DLG2: variants seen among roughly 807,000 people sequenced by gnomAD.
DLG2 encodes the protein discs large MAGUK scaffold protein 2, also known as disks large homolog 2.
A neutral mutation model predicts 132.5 loss-of-function variants in DLG2; 45 were observed. The ratio of observed to expected loss-of-function variants is 0.34; its 90% confidence interval spans 0.27 to 0.44. The LOEUF is 0.44. Among genes scored for constraint, DLG2 ranks in the 20% least tolerant of loss-of-function variants. The pLI is 1.00. For missense variants in DLG2, 1,045 were observed against 1,196.9 expected (o/e 0.87, Z 1.87); for synonymous variants, 424 against 419.6 (o/e 1.01, Z -0.13).
chr11:83,921,606 A>G (rs764004200), intron 15 of DLG2, among the ~76,000 whole-genome samples: 19 of 152,160 alleles, frequency 1.2e-4, no homozygotes, highest in African/African-American at 4.3e-4. Flanking sequence ...TAACGTTACT[A>G]TCTTGATTCT....
At chr11:84,670,555 A>G (rs906818152) in intron 6 of DLG2, among the ~76,000 whole-genome samples, 13 of 152,178 alleles carry the variant, frequency 8.5e-5, no homozygotes, top group African/African-American at 3.1e-4. Context: ...ACAATGTTCA[A>G]TTCTGTGTCT....
intron 25 of DLG2, among the ~76,000 whole-genome samples, chr11:83,467,417 T>C (rs193144456): frequency 6.6e-6 from 1 of 152,238 alleles, no homozygotes; most frequent in East Asian, 1.9e-4. Flanking sequence ...TGCAAGGTAC[T>C]CAGTCTAGTG....
At chr11:85,598,845 C>CA in intron 2 of DLG2, 57 bp from the exon 3 acceptor site, 2 of 456,126 alleles carry the variant, frequency 4.4e-6, no homozygotes, top group Non-Finnish European at 7.6e-6. Context: ...AGAAAACTAA[C>CA]ATTAAACTAT....
intron 3 of DLG2, among the ~76,000 whole-genome samples, chr11:85,439,637 G>T (rs1281466581): frequency 6.6e-6 from 1 of 152,110 alleles, no homozygotes; most frequent in Non-Finnish European, 1.5e-5. Flanking sequence ...GGAATTACAG[G>T]TGTGAGCCAC....
chr11:85,103,194 T>C (rs771323311), intron 6 of DLG2, among the ~76,000 whole-genome samples: 1 of 152,006 alleles, frequency 6.6e-6, no homozygotes, highest in Admixed American at 6.6e-5. Context: ...CTCAAATTGA[T>C]GTACAGAGTC....
intron 3 of DLG2, among the ~76,000 whole-genome samples, chr11:85,517,941 G>C (rs1175018669): frequency 6.6e-6 from 1 of 152,138 alleles, no homozygotes; most frequent in East Asian, 1.9e-4. Flanking sequence ...CCCTGCACAA[G>C]TTCTTTTCCC....
chr11:83,797,777 C>T (rs1409046812), intron 17 of DLG2, among the ~76,000 whole-genome samples: 4 of 152,152 alleles, frequency 2.6e-5, no homozygotes, highest in African/African-American at 9.7e-5. Flanking sequence ...CTCGGCCTCC[C>T]AAAGTGCTGG....
chr11:84,480,919 A>G (rs2154493334), intron 7 of DLG2, among the ~76,000 whole-genome samples: 1 of 151,646 alleles, frequency 6.6e-6, no homozygotes, highest in South Asian at 2.1e-4. Flanking sequence ...TTGTATTTTT[A>G]GTAGAGACGG....
intron 9 of DLG2, among the ~76,000 whole-genome samples, chr11:84,150,739 C>T (rs565496381): frequency 5.3e-5 from 8 of 152,146 alleles, no homozygotes; most frequent in African/African-American, 1.4e-4. Flanking sequence ...ATGTTGACTA[C>T]AGGAATTTCA....
At chr11:84,338,332 C>G (rs547875247) in intron 7 of DLG2, among the ~76,000 whole-genome samples, 4 of 152,264 alleles carry the variant, frequency 2.6e-5, no homozygotes, top group African/African-American at 9.6e-5. Flanking sequence ...TGTTCACTCT[C>G]TTCTCTGAAA....
intron 6 of DLG2, among the ~76,000 whole-genome samples, chr11:84,848,705 T>C (rs1404703252): frequency 2.0e-5 from 3 of 152,160 alleles, no homozygotes; most frequent in Non-Finnish European, 4.4e-5. Context: ...TCTTGGACTT[T>C]AAATCTATGC....
chr11:85,621,211 T>C (rs2153276558), intron 2 of DLG2, among the ~76,000 whole-genome samples: 1 of 135,082 alleles, frequency 7.4e-6, no homozygotes, highest in African/African-American at 2.9e-5. Flanking sequence ...TGAGAACTAC[T>C]ACTCAGAAAA....
intron 7 of DLG2, among the ~76,000 whole-genome samples, chr11:84,439,414 C>G (rs896580391): frequency 1.2e-4 from 19 of 152,106 alleles, no homozygotes; most frequent in African/African-American, 3.9e-4. Flanking sequence ...ACAGTGGTAC[C>G]CCTGGGGTAG....
At chr11:83,884,446 T>C (rs1239059793) in intron 15 of DLG2, among the ~76,000 whole-genome samples, 1 of 152,168 alleles carries the variant, frequency 6.6e-6, no homozygotes, top group Non-Finnish European at 1.5e-5. Context: ...GCTGGGAAAC[T>C]GGAACTGGGT....
chr11:84,155,925 C>A (rs1471366349), intron 9 of DLG2, among the ~76,000 whole-genome samples: 2 of 152,020 alleles, frequency 1.3e-5, no homozygotes, highest in Non-Finnish European at 2.9e-5. Flanking sequence ...ATGACATAAT[C>A]ATTTTTATGT....
chr11:85,539,903 A>G (rs1292746568), intron 3 of DLG2, among the ~76,000 whole-genome samples: 1 of 152,194 alleles, frequency 6.6e-6, no homozygotes, highest in Non-Finnish European at 1.5e-5. Flanking sequence ...GGCTTCAGGC[A>G]CACCTTAAGC....
At chr11:85,338,276 T>C (rs1216646298) in intron 3 of DLG2, among the ~76,000 whole-genome samples, 1 of 152,158 alleles carries the variant, frequency 6.6e-6, no homozygotes, top group Non-Finnish European at 1.5e-5. Context: ...AAGAAAAACG[T>C]AAATCAAAAG....
intron 10 of DLG2, among the ~76,000 whole-genome samples, chr11:84,070,576 T>C (rs1164747028): frequency 1.3e-5 from 2 of 152,246 alleles, no homozygotes; most frequent in Non-Finnish European, 2.9e-5. Flanking sequence ...GAAATAGATG[T>C]AGATCAACAT....
chr11:85,316,471 C>CA (rs1183008005), intron 3 of DLG2, among the ~76,000 whole-genome samples: 1 of 151,844 alleles, frequency 6.6e-6, no homozygotes, highest in Non-Finnish European at 1.5e-5. Flanking sequence ...CTCAAAATCT[C>CA]AAAGGGACAT....
Sources: gnomAD v4.1 joint callset for allele counts (sites outside exome capture counted in the v4.1 genomes callset) on GRCh38, gnomAD v4.1.1 for gene constraint, MANE v1.5 for transcripts, NCBI Gene and HGNC (gene_info 2026-07-23, HGNC 2026-07-21) for gene names.